Variants in RBBP8 observed in about 807,000 individuals in gnomAD.
RBBP8 encodes the protein DNA endonuclease RBBP8.
In RBBP8, 88 loss-of-function variants were observed where a neutral mutation model predicts 108.3. The observed-to-expected ratio is 0.81, with a 90% confidence interval of 0.68 to 0.97. The LOEUF is 0.97. Among genes scored for constraint, RBBP8 ranks in the 50% least tolerant of loss-of-function variants. The pLI, the probability that RBBP8 is intolerant of heterozygous loss-of-function variation, is 0.00. For missense variants in RBBP8, 1,023 were observed against 1,049.0 expected (o/e 0.98, Z 0.34); for synonymous variants, 332 against 348.2 (o/e 0.95, Z 0.52).
At chr18:22,965,949 TTTTTA>T (rs1368928135) in intron 4 of RBBP8, among the ~76,000 whole-genome samples, 1 of 152,208 alleles carries the variant, frequency 6.6e-6, no homozygotes, top group Non-Finnish European at 1.5e-5. Context: ...TCAGTTTTTA[TTTTTA>T]TTTTATTTAT....
chr18:23,004,204 G>A (rs1224902938), intron 15 of RBBP8, among the ~76,000 whole-genome samples: 1 of 151,718 alleles, frequency 6.6e-6, no homozygotes, highest in Non-Finnish European at 1.5e-5. Context: ...GTTCAGAATA[G>A]CCAAGATACG....
Position 22,987,445 on chromosome 18 carries a change from G to T in RBBP8, c.710-1776G>T, listed in dbSNP as rs146373237. The stretch of plus-strand genomic sequence containing the variant: ...ATGGTACTGTGCCTGTTCTATTTCT[G>T]TCTCTCTATTTATTTATTTATTTTT... On this transcript the variant is annotated intron_variant, in intron 8 of 18. Coordinates refer to ENST00000327155, the MANE Select transcript of RBBP8 (RefSeq NM_002894.3). Among the ~76,000 whole-genome samples the T allele has an allele frequency of 8.6e-4, 131 of 152,122 alleles. No homozygotes were observed. The Middle Eastern group carries it at 0.017, about 20-fold the overall frequency.
At chr18:22,943,733 A>C (rs1238924542) in intron 2 of RBBP8, among the ~76,000 whole-genome samples, 1 of 152,154 alleles carries the variant, frequency 6.6e-6, no homozygotes, top group Non-Finnish European at 1.5e-5. Flanking sequence ...ATAATTCAGA[A>C]CCATAAATAA....
At chr18:22,974,111 A>T (rs756946042) in intron 5 of RBBP8, among the ~76,000 whole-genome samples, 4 of 152,210 alleles carry the variant, frequency 2.6e-5, no homozygotes, top group Non-Finnish European at 5.9e-5. Flanking sequence ...AGTACAATTA[A>T]CCTTCTTTGG....
At position 22,946,480 on chromosome 18, in the gene RBBP8, G is replaced by A. The variant is rs527509330; in HGVS notation, c.146G>A (p.Arg49Gln). 7 of 1,612,352 alleles carry A rather than the reference G, an allele frequency of 4.3e-6. No individual in the cohort carries two copies. In the South Asian group the frequency reaches 4.4e-5, roughly 10 times the overall value. The change falls in exon 3 of 19, where the codon CGA becomes CAA. Residue 49 changes from arginine to glutamine, a missense_variant. Physicochemically the swap from Arg to Gln is conservative, Grantham distance 43. Transcript: ENST00000327155. ...AAAGTAACCAAGCTAAAACAGGAAC[G>A]AATCTTGTAAGTATCAGTATGTAAT... ...QVKVTKLKQE[R>Q]ILDAQRLEEF...
At chr18:23,020,925 G>A (rs2046337947) in intron 17 of RBBP8, among the ~76,000 whole-genome samples, 1 of 152,180 alleles carries the variant, frequency 6.6e-6, no homozygotes, top group South Asian at 2.1e-4. Context: ...TGAGAATGAT[G>A]AAAAAGATAC....
At chr18:22,925,976 A>T (rs1385879787) in intron 3 of RBBP8, among the ~76,000 whole-genome samples, 1 of 152,204 alleles carries the variant, frequency 6.6e-6, no homozygotes, top group Non-Finnish European at 1.5e-5. Context: ...GATCCTTTTA[A>T]GTGCCAGGGT....
chr18:22,922,392 G>C (rs1230532163), intron 3 of RBBP8, among the ~76,000 whole-genome samples: 2 of 152,068 alleles, frequency 1.3e-5, no homozygotes, highest in African/African-American at 4.8e-5. Flanking sequence ...AAACTGAAGA[G>C]TGCACAGCAA....
intron 4 of RBBP8, among the ~76,000 whole-genome samples, chr18:22,961,902 C>T (rs568652289): frequency 6.6e-6 from 1 of 152,306 alleles, no homozygotes; most frequent in South Asian, 2.1e-4. Context: ...CCTTTTAAAT[C>T]TGCTTAGGTG....
chr18:22,936,723 A>C, intron 1 of RBBP8, 31 bp from the exon 2 acceptor site: 1 of 1,014,132 alleles, frequency 9.9e-7, no homozygotes, highest in Non-Finnish European at 1.5e-6. Context: ...ATAAATGCAA[A>C]GTTCATTTAT....
intron 4 of RBBP8, among the ~76,000 whole-genome samples, chr18:22,950,196 A>G (rs1228395100): frequency 1.3e-5 from 2 of 152,206 alleles, no homozygotes; most frequent in South Asian, 2.1e-4. Context: ...TGAGGTTAAC[A>G]CTGAGGATTA....
chr18:22,988,465 C>T (rs1915474341), intron 8 of RBBP8, among the ~76,000 whole-genome samples: 1 of 152,162 alleles, frequency 6.6e-6, no homozygotes. Context: ...ACCTAGAATT[C>T]TACTTTCTGT....
chr18:22,965,455 A>G (rs1465582072), intron 4 of RBBP8, among the ~76,000 whole-genome samples: 1 of 151,216 alleles, frequency 6.6e-6, no homozygotes. Flanking sequence ...CCTAAAGAAG[A>G]CTCCTTAATT....
chr18:23,007,743 T>G (rs953544353), intron 16 of RBBP8, among the ~76,000 whole-genome samples: 1 of 151,330 alleles, frequency 6.6e-6, no homozygotes, highest in Admixed American at 6.6e-5. Flanking sequence ...CTTAGGTTTA[T>G]TATGCTTCAG....
At chr18:23,014,671 G>T (rs114160213) in intron 16 of RBBP8, among the ~76,000 whole-genome samples, 2,839 of 152,080 alleles carry the variant, frequency 0.019, 85 homozygotes, top group African/African-American at 0.063. Context: ...AAAATAAAAT[G>T]TTGTGCTTCT....
chr18:22,920,773 C>A (rs1567936436), intron 3 of RBBP8: 1 of 152,088 alleles, frequency 6.6e-6, no homozygotes, highest in Non-Finnish European at 1.5e-5. Flanking sequence ...TGGAGGAATG[C>A]CTATTAAAAA....
At position 22,942,063 on chromosome 18, in the gene RBBP8, AT is replaced by A. The variant is rs1415957310; in HGVS notation, c.110-4374del. ...CAAAGACATGCCTGAAGGGAACTTAATTTTTTTAAGGAGGTGGGGAATCCAT... is the reference window on the plus strand; with the variant it reads ...CAAAGACATGCCTGAAGGGAACTTAATTTTTTAAGGAGGTGGGGAATCCAT... On this transcript the variant is annotated intron_variant, in intron 2 of 18. Coordinates refer to ENST00000327155, the MANE Select transcript of RBBP8 (RefSeq NM_002894.3). Among the ~76,000 whole-genome samples, 6 of 152,194 alleles carry A rather than the reference AT, an allele frequency of 3.9e-5. No individual in the cohort carries two copies. The East Asian group carries it at 9.6e-4, about 24-fold the overall frequency.
Position 22,949,608 on chromosome 18 carries a change from T to C in RBBP8, c.153-10T>C. ...TTATCTGAAAAACTTATTTATTTTTTGACCTTTAGAGATGCACAAAGACTA... is the reference window on the plus strand; with the variant it reads ...TTATCTGAAAAACTTATTTATTTTTCGACCTTTAGAGATGCACAAAGACTA... On this transcript the variant is annotated splice_polypyrimidine_tract_variant and intron_variant, in intron 3 of 18. Transcript: ENST00000327155. 1.9e-6 allele frequency: 3 copies of C among 1,585,038 alleles called. No individual in the cohort carries two copies. Among genetic ancestry groups the C allele is most frequent in the Non-Finnish European group, 2.6e-6 (3 of 1,154,774 alleles).
intron 15 of RBBP8, among the ~76,000 whole-genome samples, chr18:23,002,154 C>T (rs1333704824): frequency 6.6e-6 from 1 of 152,128 alleles, no homozygotes. Context: ...GTGGTTCACA[C>T]CTGTAATCCC....
Sources: allele counts gnomAD v4.1 joint callset (sites outside exome capture counted in the v4.1 genomes callset), GRCh38; gene constraint gnomAD v4.1.1; transcripts MANE v1.5; gene names NCBI Gene and HGNC (gene_info 2026-07-23, HGNC 2026-07-21).